The following GDPD1 variants were observed in gnomAD, a reference collection of about 807,000 sequenced individuals.
GDPD1 encodes the protein glycerophosphodiester phosphodiesterase domain containing 1.
In GDPD1, 28 loss-of-function variants were observed where a neutral mutation model predicts 45.1. The observed-to-expected ratio is 0.62, with a 90% CI of 0.46 to 0.85. The LOEUF (loss-of-function observed/expected upper bound fraction) is 0.85. Among genes scored for constraint, GDPD1 ranks in the 40% least tolerant of loss-of-function variants. GDPD1 has a pLI of 0.00. For missense variants in GDPD1, 256 were observed against 364.8 expected, an observed-to-expected ratio of 0.70 and a Z score of 2.43; for synonymous variants, 139 against 131.4, an observed-to-expected ratio of 1.06 and a Z score of -0.40.
In GDPD1 at chr17:59,274,190, G is replaced by A; in HGVS notation, c.*417G>A. The A allele has an allele frequency of 1.0e-6, 1 of 976,998 alleles. No homozygotes were observed. The highest frequency in any genetic ancestry group is 1.2e-6 in the Non-Finnish European group (1 of 822,986). The allele number at this position is 976,998 out of a possible 1,614,324, so 60.5% of individuals were successfully genotyped here. A position where few individuals can be genotyped will look rare whatever the true frequency, so the allele number is the denominator to read the frequency against. ...TAGATGATGCAGTGTTCTATCATAA[G>A]TAATTCTGGAATCAAAGACTATTGG... is the stretch of plus-strand genomic sequence containing the variant. On this transcript the variant is annotated 3_prime_UTR_variant, in exon 10 of 10. Transcript: ENST00000284116.
At chr17:59,234,400 AAGGTC>A in intron 1 of GDPD1, 87 bp from the exon 2 acceptor site, 3 of 787,926 alleles carry the variant, frequency 3.8e-6, no homozygotes, top group Non-Finnish European at 6.3e-6. Flanking sequence ...AAAAAAAAAA[AAGGTC>A]AAGATTCATT....
chr17:59,275,141 C>A lies in GDPD1; in HGVS notation c.*1368C>A, dbSNP rs185166553. 1.2e-4 allele frequency: 180 copies of A among 1,536,350 alleles called. 1 individual carries two copies. In the East Asian group the frequency reaches 4.1e-3, roughly 35 times the overall value. On this transcript the variant is annotated 3_prime_UTR_variant, in exon 10 of 10. Transcript: ENST00000284116. Reference sequence around the variant, plus strand: ...ACAGGTTTGAACCACTGCACCCGGCCAGTAAAAGAAATTTTGAAGGCCATT... The same window carrying A: ...ACAGGTTTGAACCACTGCACCCGGCAAGTAAAAGAAATTTTGAAGGCCATT...
intron 6 of GDPD1, among the ~76,000 whole-genome samples, chr17:59,265,901 C>CAAAAAAA (rs60404339): frequency 1.2e-5 from 1 of 80,378 alleles, no homozygotes. Context: ...GACCTTATCT[C>CAAAAAAA]AAAAAAAAAA....
rs1401079618 is a variant in GDPD1, at chr17:59,274,889, C to T, written c.*1116C>T. Among the ~76,000 whole-genome samples the T allele has an allele frequency of 1.3e-5, 2 of 149,906 alleles. No homozygotes were observed. Among genetic ancestry groups the T allele is most frequent in the Admixed American group, 1.3e-4 (2 of 15,056 alleles). On this transcript the variant is annotated 3_prime_UTR_variant, in exon 10 of 10. Coordinates refer to ENST00000284116, the MANE Select transcript of GDPD1 (RefSeq NM_182569.4). ...TGTAGTCTTGCTCTGTCGCCGAGGC[C>T]GGAGTGCAGTGGTGCGATCTTGGCT...
intron 7 of GDPD1, among the ~76,000 whole-genome samples, chr17:59,269,913 T>A (rs2047431997): frequency 6.6e-6 from 1 of 152,166 alleles, no homozygotes; most frequent in South Asian, 2.1e-4. Context: ...CTTCATATGT[T>A]CCTTTTAGAA....
At chr17:59,235,461 C>A (rs1439968745) in intron 2 of GDPD1, among the ~76,000 whole-genome samples, 1 of 152,108 alleles carries the variant, frequency 6.6e-6, no homozygotes, top group African/African-American at 2.4e-5. Flanking sequence ...ATCTCTTACT[C>A]TTCTTGTTCT....
intron 1 of GDPD1, among the ~76,000 whole-genome samples, chr17:59,230,924 A>G (rs2047084292): frequency 6.6e-6 from 1 of 152,212 alleles, no homozygotes. Flanking sequence ...CAATGACAGA[A>G]TAACTGTGTT....
chr17:59,253,390 G>C (rs751690271), intron 4 of GDPD1, among the ~76,000 whole-genome samples: 1 of 152,128 alleles, frequency 6.6e-6, no homozygotes, highest in Non-Finnish European at 1.5e-5. Context: ...TTTAAGTAGA[G>C]ATCAGGTCTC....
chr17:59,224,387 C>T (rs2047029004), intron 1 of GDPD1, among the ~76,000 whole-genome samples: 1 of 152,076 alleles, frequency 6.6e-6, no homozygotes, highest in South Asian at 2.1e-4. Context: ...CTTTGGGAGG[C>T]CGAAGCGGGC....
intron 6 of GDPD1, among the ~76,000 whole-genome samples, chr17:59,264,237 TG>T (rs1568350213): frequency 6.6e-6 from 1 of 151,998 alleles, no homozygotes; most frequent in Non-Finnish European, 1.5e-5. Context: ...TGACCTCAGA[TG>T]ATCCACCCGC....
intron 2 of GDPD1, among the ~76,000 whole-genome samples, chr17:59,235,631 A>G (rs577619275): frequency 1.3e-5 from 2 of 152,212 alleles, no homozygotes; most frequent in Non-Finnish European, 2.9e-5. Context: ...AGCCTGGCCA[A>G]CGTGGTGAAA....
intron 7 of GDPD1, 68 bp downstream of exon 7, chr17:59,267,242 A>G: frequency 7.7e-7 from 1 of 1,305,228 alleles, no homozygotes; most frequent in Non-Finnish European, 1.1e-6. Context: ...AAAGCTCACT[A>G]ATATCAATAT....
chr17:59,255,784 T>TATATATATATATATATATAC (rs1215280964), intron 4 of GDPD1, among the ~76,000 whole-genome samples: 59 of 57,984 alleles, frequency 1.0e-3, no homozygotes, highest in Non-Finnish European at 1.4e-3. Flanking sequence ...TATATATATA[T>TATATATATATATATATATAC]ACGCGTATAT....
chr17:59,227,728 A>G (rs541375649), intron 1 of GDPD1, among the ~76,000 whole-genome samples: 2 of 152,158 alleles, frequency 1.3e-5, no homozygotes, highest in African/African-American at 2.4e-5. Context: ...TAAATACACA[A>G]TTTTTACATA....
intron 2 of GDPD1, among the ~76,000 whole-genome samples, chr17:59,241,789 G>A (rs915158976): frequency 7.9e-5 from 12 of 151,906 alleles, no homozygotes; most frequent in Admixed American, 1.3e-4. Context: ...TTAGCTGGGC[G>A]TGGTGGCAGG....
intron 1 of GDPD1, among the ~76,000 whole-genome samples, chr17:59,229,605 C>T (rs988851210): frequency 3.4e-5 from 5 of 149,144 alleles, no homozygotes; most frequent in East Asian, 3.9e-4. Context: ...TCAGGTTATC[C>T]GCCCGCCTCG....
chr17:59,261,651 A>G (rs944719171), intron 6 of GDPD1, among the ~76,000 whole-genome samples: 6 of 151,578 alleles, frequency 4.0e-5, no homozygotes, highest in Non-Finnish European at 7.4e-5. Flanking sequence ...GCATGCCATC[A>G]TGCCTGGCAA....
intron 1 of GDPD1, 136 bp from the exon 2 acceptor site, chr17:59,234,356 A>G: frequency 1.6e-6 from 1 of 609,190 alleles, no homozygotes. Context: ...GTCTCAAAAA[A>G]ACCCAAAAAA....
intron 4 of GDPD1, among the ~76,000 whole-genome samples, chr17:59,255,229 C>T (rs565539992): frequency 7.9e-5 from 12 of 152,066 alleles, no homozygotes; most frequent in Admixed American, 2.0e-4. Flanking sequence ...AAGGTTCAGA[C>T]GGAAGCAGAA....
Sources: gnomAD v4.1 joint callset for allele counts (sites outside exome capture counted in the v4.1 genomes callset) on GRCh38, gnomAD v4.1.1 for gene constraint, MANE v1.5 for transcripts, NCBI Gene and HGNC (gene_info 2026-07-23, HGNC 2026-07-21) for gene names.